Variants in KCNQ1OT1 observed in about 807,000 individuals in gnomAD.
KCNQ1OT1 encodes the protein KCNQ1 antisense RNA 2 (non-protein coding).
At position 2,621,812 on chromosome 11, in the gene KCNQ1OT1, T is replaced by C; in HGVS notation, n.78183A>G. The C allele has an allele frequency of 2.5e-6, 1 of 398,356 alleles. No homozygotes were observed. Among genetic ancestry groups the C allele is most frequent in the Non-Finnish European group, 4.4e-6 (1 of 225,946 alleles). 24.7% of individuals were successfully genotyped at this position (398,356 alleles called of 1,614,324 possible). Reference sequence around the variant, plus strand: ...TTATTTTTCAAAAATCAATTCTTTGTTTCAAAAATTGAAGTCTTAGTTTTA... The same window carrying C: ...TTATTTTTCAAAAATCAATTCTTTGCTTCAAAAATTGAAGTCTTAGTTTTA... On this transcript the variant is annotated non_coding_transcript_exon_variant, in exon 1 of 1. Coordinates refer to ENST00000597346, the Ensembl canonical transcript of KCNQ1OT1. The surrounding 1 kb of genome is among the most constrained non-coding windows in gnomAD (Gnocchi z 5.7).
exon 1 of KCNQ1OT1, chr11:2,656,139 C>T (rs901915554): frequency 2.5e-6 from 1 of 398,522 alleles, no homozygotes; most frequent in African/African-American, 2.1e-5. Context: ...ATCGTTCCTT[C>T]TACATACAAG....
In KCNQ1OT1 at chr11:2,620,208, T is replaced by C. The variant is rs1388447411; in HGVS notation, n.79787A>G. The C allele has an allele frequency of 9.7e-6, 3 of 307,912 alleles. No individual in the cohort carries two copies. The highest frequency in any genetic ancestry group is 1.7e-5 in the Non-Finnish European group (3 of 180,150). 19.1% of individuals were successfully genotyped at this position (307,912 alleles called of 1,614,324 possible). A position where few individuals can be genotyped will look rare whatever the true frequency, so the allele number is the denominator to read the frequency against. On this transcript the variant is annotated non_coding_transcript_exon_variant, in exon 1 of 1. Transcript: ENST00000597346. This position sits in a 1 kb window ranked among gnomAD's most constrained non-coding sequence, Gnocchi z 4.5. ...ACGTAAGTTCATTCATGTATATATA[T>C]ATATTTTTTTTTTTTATTTTTTTTT...
chr11:2,667,649 G>C (rs909874982), exon 1 of KCNQ1OT1: 2 of 398,638 alleles, frequency 5.0e-6, no homozygotes, highest in Non-Finnish European at 8.8e-6. Context: ...ACCTGAAAGG[G>C]GAGATTGAAC....
At position 2,627,255 on chromosome 11, in the gene KCNQ1OT1, G is replaced by T. The variant is rs905619920; in HGVS notation, n.72740C>A. The T allele has an allele frequency of 2.8e-5, 11 of 398,378 alleles. No individual in the cohort carries two copies. The highest frequency in any genetic ancestry group is 4.4e-5 in the Non-Finnish European group (10 of 226,052). 24.7% of individuals were successfully genotyped at this position (398,378 alleles called of 1,614,324 possible). ...GAACATATTTGACCTACTGTGAAAT[G>T]ATTACTACAATCAAGCCAATTAACA... is the stretch of plus-strand genomic sequence containing the variant. On this transcript the variant is annotated non_coding_transcript_exon_variant, in exon 1 of 1. Coordinates refer to ENST00000597346, the Ensembl canonical transcript of KCNQ1OT1. This position sits in a 1 kb window ranked among gnomAD's most constrained non-coding sequence, Gnocchi z 4.9.
chr11:2,667,178 A>G, exon 1 of KCNQ1OT1: 1 of 398,694 alleles, frequency 2.5e-6, no homozygotes, highest in Non-Finnish European at 4.4e-6. Context: ...CCAGCCTGCC[A>G]TCAGCCCAGC....
At position 2,653,702 on chromosome 11, in the gene KCNQ1OT1, G is replaced by A; in HGVS notation, n.46293C>T. On this transcript the variant is annotated non_coding_transcript_exon_variant, in exon 1 of 1. Transcript: ENST00000597346. This position sits in a 1 kb window ranked among gnomAD's most constrained non-coding sequence, Gnocchi z 5.3. Reference sequence around the variant, plus strand: ...CAGCTCAGGAAGCCCAGCAGAACGAGGTCATCTCTTCCAGGATTCCTGCCA... The same window carrying A: ...CAGCTCAGGAAGCCCAGCAGAACGAAGTCATCTCTTCCAGGATTCCTGCCA... 1 of 398,686 alleles carries A rather than the reference G, an allele frequency of 2.5e-6. No individual in the cohort carries two copies. Among genetic ancestry groups the A allele is most frequent in the Non-Finnish European group, 4.4e-6 (1 of 226,092 alleles). 24.7% of individuals were successfully genotyped at this position (398,686 alleles called of 1,614,324 possible).
chr11:2,692,394 A>G (rs1850604142), exon 1 of KCNQ1OT1: 1 of 398,690 alleles, frequency 2.5e-6, no homozygotes, highest in Non-Finnish European at 4.4e-6. Flanking sequence ...CCCCATTCCA[A>G]TCAATTATCT....
At chr11:2,614,843 TC>T (rs1849035901) in exon 1 of KCNQ1OT1, 1 of 398,404 alleles carries the variant, frequency 2.5e-6, no homozygotes, top group African/African-American at 2.1e-5. Flanking sequence ...CCAACTTTGT[TC>T]TTTTTCAATA....
Position 2,627,377 on chromosome 11 carries a change from T to C in KCNQ1OT1, n.72618A>G. 2 of 398,518 alleles carry C rather than the reference T, an allele frequency of 5.0e-6. No individual in the cohort carries two copies. Among genetic ancestry groups the C allele is most frequent in the Non-Finnish European group, 8.8e-6 (2 of 226,034 alleles). The allele number at this position is 398,518 out of a possible 1,614,324, so 24.7% of individuals were successfully genotyped here. A position where few individuals can be genotyped will look rare whatever the true frequency, so the allele number is the denominator to read the frequency against. On this transcript the variant is annotated non_coding_transcript_exon_variant, in exon 1 of 1. Transcript: ENST00000597346. This position sits in a 1 kb window ranked among gnomAD's most constrained non-coding sequence, Gnocchi z 4.9. The stretch of plus-strand genomic sequence containing the variant: ...TTCCAAGTATAGAATATATTAACTA[T>C]AGTCACCAATCTGGACGTTATGTCA...
At chr11:2,619,119 A>T (rs1156419157) in exon 1 of KCNQ1OT1, 1 of 398,410 alleles carries the variant, frequency 2.5e-6, no homozygotes, top group Non-Finnish European at 4.4e-6. Flanking sequence ...TGTCATCTTC[A>T]TATAAAGATA....
chr11:2,661,092 AG>A lies in KCNQ1OT1; in HGVS notation n.38902del. On this transcript the variant is annotated non_coding_transcript_exon_variant, in exon 1 of 1. Transcript: ENST00000597346. This position sits in a 1 kb window ranked among gnomAD's most constrained non-coding sequence, Gnocchi z 5.9. ...CACAGTGACATCCCATGTGCATAAA[AG>A]CAACTCCCACCTGGCATCTGCTGCT... 1 of 398,580 alleles carries A rather than the reference AG, an allele frequency of 2.5e-6. No individual in the cohort carries two copies. The highest frequency in any genetic ancestry group is 1.3e-4 in the South Asian group (1 of 7,862). 24.7% of individuals were successfully genotyped at this position (398,580 alleles called of 1,614,324 possible).
Position 2,670,209 on chromosome 11 carries a change from G to A in KCNQ1OT1, n.29786C>T. 2.5e-6 allele frequency: 1 copy of A among 398,628 alleles called. No individual in the cohort carries two copies. The highest frequency in any genetic ancestry group is 2.1e-5 in the African/African-American group (1 of 48,744). 24.7% of individuals were successfully genotyped at this position (398,628 alleles called of 1,614,324 possible). On this transcript the variant is annotated non_coding_transcript_exon_variant, in exon 1 of 1. Coordinates refer to ENST00000597346, the Ensembl canonical transcript of KCNQ1OT1. The surrounding 1 kb of genome is among the most constrained non-coding windows in gnomAD (Gnocchi z 4.9). ...TAAAGCAGAGTGAAGAGCAGGGCGA[G>A]CTGTGTAGCTCACCTGCCTTTGACC...
exon 1 of KCNQ1OT1, chr11:2,675,993 C>T: frequency 1.0e-5 from 4 of 398,672 alleles, no homozygotes; most frequent in Non-Finnish European, 1.8e-5. Context: ...CCCCACCCAA[C>T]CCTAATTCCC....
At chr11:2,635,179 A>G (rs1849440938) in exon 1 of KCNQ1OT1, 1 of 152,072 alleles carries the variant, frequency 6.6e-6, no homozygotes, top group Non-Finnish European at 1.5e-5. Context: ...GAAGCTCTTT[A>G]GTTTAATTAG....
At position 2,654,729 on chromosome 11, in the gene KCNQ1OT1, T is replaced by C. The variant is rs542981246; in HGVS notation, n.45266A>G. The C allele has an allele frequency of 5.0e-6, 2 of 398,102 alleles. No homozygotes were observed. The highest frequency in any genetic ancestry group is 8.8e-5 in the Admixed American group (2 of 22,704). 24.7% of individuals were successfully genotyped at this position (398,102 alleles called of 1,614,324 possible). On this transcript the variant is annotated non_coding_transcript_exon_variant, in exon 1 of 1. Coordinates refer to ENST00000597346, the Ensembl canonical transcript of KCNQ1OT1. This position sits in a 1 kb window ranked among gnomAD's most constrained non-coding sequence, Gnocchi z 6.4. The stretch of plus-strand genomic sequence containing the variant: ...TTGGGGCTTGAATGCTGACCTAATC[T>C]GGGCAGGGAGGGGTCTGGGGCTCGA...
exon 1 of KCNQ1OT1, chr11:2,636,597 T>C (rs541736937): frequency 2.6e-4 from 39 of 152,278 alleles, no homozygotes; most frequent in African/African-American, 9.1e-4. Flanking sequence ...CAGTATTTTA[T>C]TGAGGATTTT....
rs1850438891 is a variant in KCNQ1OT1, at chr11:2,683,775, G to A, written n.16220C>T. On this transcript the variant is annotated non_coding_transcript_exon_variant, in exon 1 of 1. Coordinates refer to ENST00000597346, the Ensembl canonical transcript of KCNQ1OT1. This position sits in a 1 kb window ranked among gnomAD's most constrained non-coding sequence, Gnocchi z 4.7. ...CCAGATGACATGGGCCTCTAAGGCT[G>A]GCTGCTCTTACTCTATACCCCAAAA... 1 of 398,462 alleles carries A rather than the reference G, an allele frequency of 2.5e-6. No individual in the cohort carries two copies. 24.7% of individuals were successfully genotyped at this position (398,462 alleles called of 1,614,324 possible). A position where few individuals can be genotyped will look rare whatever the true frequency, so the allele number is the denominator to read the frequency against.
exon 1 of KCNQ1OT1, chr11:2,628,189 T>A (rs1468228139): frequency 2.5e-6 from 1 of 398,516 alleles, no homozygotes; most frequent in African/African-American, 2.1e-5. Flanking sequence ...AGTTCCAATT[T>A]TAATTTTTTA....
Position 2,698,632 on chromosome 11 carries a change from C to T in KCNQ1OT1, n.1363G>A. 1 of 398,552 alleles carries T rather than the reference C, an allele frequency of 2.5e-6. No homozygotes were observed. Among genetic ancestry groups the T allele is most frequent in the East Asian group, 3.6e-5 (1 of 28,064 alleles). The allele number at this position is 398,552 out of a possible 1,614,324, so 24.7% of individuals were successfully genotyped here. On this transcript the variant is annotated non_coding_transcript_exon_variant, in exon 1 of 1. Coordinates refer to ENST00000597346, the Ensembl canonical transcript of KCNQ1OT1. The surrounding 1 kb of genome is among the most constrained non-coding windows in gnomAD (Gnocchi z 5.1). ...TCCTGACTCCCATACCCCACTGAGACCTCTAACCCCAATCCCAATCTCTTA... is the reference window on the plus strand; with the variant it reads ...TCCTGACTCCCATACCCCACTGAGATCTCTAACCCCAATCCCAATCTCTTA...
Sources: gnomAD v4.1 joint callset for allele counts on GRCh38, gnomAD v4.1.1 for gene constraint, Gnocchi (gnomAD v3.1) non-coding constraint, MANE v1.5 for transcripts, NCBI Gene and HGNC (gene_info 2026-07-23, HGNC 2026-07-21) for gene names.